Variants in PPP6R2 observed in about 807,000 individuals in gnomAD.
The protein encoded by PPP6R2 is protein phosphatase 6 regulatory subunit 2, also known as serine/threonine-protein phosphatase 6 regulatory subunit 2.
PPP6R2 carries 62 observed loss-of-function variants against 100.2 expected under a neutral mutation model. That is an observed-to-expected ratio of 0.62 (90% CI 0.50 to 0.76). PPP6R2 has a LOEUF of 0.76. Ranked by LOEUF, PPP6R2 falls within the 30% of genes least tolerant of loss-of-function variation. PPP6R2 has a pLI of 0.00. For missense variants in PPP6R2, 1,142 were observed against 1,276.3 expected, an observed-to-expected ratio of 0.89 and a Z score of 1.60; for synonymous variants, 525 against 514.7, an observed-to-expected ratio of 1.02 and a Z score of -0.27.
At chr22:50,428,958 A>G (rs1164954267) in intron 10 of PPP6R2, among the ~76,000 whole-genome samples, 1 of 152,142 alleles carries the variant, frequency 6.6e-6, no homozygotes, top group Non-Finnish European at 1.5e-5. Context: ...TGGGCTTTTC[A>G]TAGGTGCCTT....
intron 6 of PPP6R2, among the ~76,000 whole-genome samples, 177 bp downstream of exon 6, chr22:50,416,334 CTT>C (rs964316750): frequency 1.4e-5 from 2 of 140,486 alleles, no homozygotes; most frequent in Admixed American, 7.2e-5. Flanking sequence ...TTTTTTTTTT[CTT>C]TTTTTTTTTG....
intron 2 of PPP6R2, among the ~76,000 whole-genome samples, chr22:50,384,872 C>G (rs998576766): frequency 6.6e-6 from 1 of 152,154 alleles, no homozygotes; most frequent in African/African-American, 2.4e-5. Context: ...TCCTGAGTAG[C>G]AGGGACTATA....
At chr22:50,390,820 A>G (rs62241885) in intron 2 of PPP6R2, among the ~76,000 whole-genome samples, 55,029 of 149,062 alleles carry the variant, frequency 0.37, 10,581 homozygotes, top group South Asian at 0.63. Context: ...CTAACATGGT[A>G]AAACCCCATC....
At chr22:50,339,354 TATGTG>T (rs2042342491), upstream of PPP6R2, among the ~76,000 whole-genome samples, 1 of 119,140 alleles carries the variant, frequency 8.4e-6, no homozygotes, top group African/African-American at 3.4e-5. Context: ...TAGTGTGTGG[TATGTG>T]GTGTGTGTGG....
At chr22:50,435,879 C>T (rs905603140) in intron 13 of PPP6R2, among the ~76,000 whole-genome samples, 2 of 152,160 alleles carry the variant, frequency 1.3e-5, no homozygotes, top group African/African-American at 4.8e-5. Context: ...TTGGATCATT[C>T]CATACGATCT....
chr22:50,337,215 G>A, the PPP6R2 span, among the ~76,000 whole-genome samples: 1 of 145,012 alleles, frequency 6.9e-6, no homozygotes, highest in African/African-American at 2.6e-5. Context: ...TATAGTGTGT[G>A]TGGGGTATGT....
chr22:50,355,986 G>A (rs1163272850), intron 1 of PPP6R2, among the ~76,000 whole-genome samples: 25 of 138,074 alleles, frequency 1.8e-4, no homozygotes, highest in African/African-American at 5.6e-4. Flanking sequence ...TTTTTGAGAC[G>A]GAGTCTCGCT....
chr22:50,437,335 C>CTGAGT (rs1336669905), intron 15 of PPP6R2, among the ~76,000 whole-genome samples, 171 bp from the exon 16 acceptor site: 2 of 152,364 alleles, frequency 1.3e-5, no homozygotes, highest in East Asian at 3.9e-4. Flanking sequence ...AGCGCGCAGC[C>CTGAGT]TGAGTTTTGG....
At position 50,393,901 on chromosome 22, in the gene PPP6R2, C is replaced by T; in HGVS notation, c.-8C>T. The stretch of plus-strand genomic sequence containing the variant: ...TTTGCCCTCGTTTGCAGCTCTGCGG[C>T]CGTCACGATGTTCTGGAAGTTTGAC... On this transcript the variant is annotated 5_prime_UTR_variant, in exon 3 of 24. Transcript: ENST00000612753. 6.2e-7 allele frequency: 1 copy of T among 1,614,132 alleles called. No individual in the cohort carries two copies. Among genetic ancestry groups the T allele is most frequent in the Non-Finnish European group, 8.5e-7 (1 of 1,179,994 alleles).
chr22:50,346,618 C>T (rs1273014153), intron 1 of PPP6R2, among the ~76,000 whole-genome samples: 2 of 143,582 alleles, frequency 1.4e-5, no homozygotes, highest in African/African-American at 2.6e-5. Context: ...CCCATCAGTC[C>T]CCACCCCACC....
At chr22:50,380,389 G>A (rs2052608555) in intron 2 of PPP6R2, among the ~76,000 whole-genome samples, 3 of 148,924 alleles carry the variant, frequency 2.0e-5, no homozygotes, top group Middle Eastern at 3.6e-3. Flanking sequence ...TTGAGATGGA[G>A]TCTCTCTGCC....
At chr22:50,358,990 G>GGCCCCC (rs2047181298) in intron 1 of PPP6R2, among the ~76,000 whole-genome samples, 1 of 42,670 alleles carries the variant, frequency 2.3e-5, no homozygotes, top group East Asian at 9.7e-4. Context: ...TAAAAGAACC[G>GGCCCCC]CCCCCCCCCC....
intron 2 of PPP6R2, among the ~76,000 whole-genome samples, chr22:50,393,173 C>T (rs2148875176): frequency 6.6e-6 from 1 of 152,254 alleles, no homozygotes; most frequent in African/African-American, 2.4e-5. Context: ...GGGGCTGGAT[C>T]AGTGGTGATT....
intron 3 of PPP6R2, among the ~76,000 whole-genome samples, chr22:50,397,303 T>C (rs1057409424): frequency 6.6e-6 from 1 of 151,670 alleles, no homozygotes; most frequent in African/African-American, 2.4e-5. Flanking sequence ...GAGTAAACAA[T>C]CCAGGTCAGG....
At chr22:50,408,778 C>T (rs2059344859) in intron 4 of PPP6R2, among the ~76,000 whole-genome samples, 1 of 152,198 alleles carries the variant, frequency 6.6e-6, no homozygotes, top group African/African-American at 2.4e-5. Context: ...TTCTCTCACC[C>T]AGTACTTAAG....
chr22:50,361,338 C>T (rs1298263918), intron 1 of PPP6R2, among the ~76,000 whole-genome samples: 3 of 152,178 alleles, frequency 2.0e-5, no homozygotes, highest in South Asian at 4.1e-4. Context: ...TAGCCCATGA[C>T]GTTGCGCTAG....
At chr22:50,424,033 C>T (rs957407447) in intron 10 of PPP6R2, among the ~76,000 whole-genome samples, 12 of 152,228 alleles carry the variant, frequency 7.9e-5, no homozygotes, top group African/African-American at 2.2e-4. Context: ...TCAAAGCCAG[C>T]GGGCAGTGCC....
At chr22:50,343,182 G>T (rs1001317616), upstream of PPP6R2, 18 of 151,772 alleles carry the variant, frequency 1.2e-4, no homozygotes, top group Non-Finnish European at 1.9e-4. Context: ...CTCCCACGCG[G>T]GTTTCACCGA....
intron 13 of PPP6R2, among the ~76,000 whole-genome samples, chr22:50,435,662 C>CA (rs1327439276): frequency 6.6e-6 from 1 of 152,184 alleles, no homozygotes; most frequent in Non-Finnish European, 1.5e-5. Context: ...CCCCGCACCC[C>CA]AGGACCATAG....
Sources: allele counts gnomAD v4.1 joint callset (sites outside exome capture counted in the v4.1 genomes callset), GRCh38; gene constraint gnomAD v4.1.1; transcripts MANE v1.5; gene names NCBI Gene and HGNC (gene_info 2026-07-23, HGNC 2026-07-21).